USP31: variants seen among roughly 807,000 people sequenced by gnomAD.
USP31 encodes ubiquitin specific peptidase 31.
In USP31, 44 loss-of-function variants were observed where a neutral mutation model predicts 119.4. The observed-to-expected ratio is 0.37, with a 90% CI of 0.29 to 0.47. The LOEUF (loss-of-function observed/expected upper bound fraction) is 0.47. USP31 is among the 20% of genes least tolerant of loss of function. USP31 has a pLI of 0.99. For synonymous variants in USP31, 749 were observed against 705.6 expected (o/e 1.06, Z -0.97); for missense variants, 1,643 against 1,730.2 (o/e 0.95, Z 0.89).
In USP31 at chr16:23,071,036, T is replaced by C. The variant is rs1007399356; in HGVS notation, c.2488+1009A>G. Reference sequence around the variant, plus strand: ...TAAAGGCAGTACTGAAAATAACCTCTGCCTAAACAAGCAAAGGTTCACCAG... The same window carrying C: ...TAAAGGCAGTACTGAAAATAACCTCCGCCTAAACAAGCAAAGGTTCACCAG... On this transcript the variant is annotated intron_variant, in intron 15 of 15. Coordinates refer to ENST00000219689, the MANE Select transcript of USP31 (RefSeq NM_020718.4). Among the ~76,000 whole-genome samples, 32 of 152,300 alleles carry C rather than the reference T, an allele frequency of 2.1e-4. 1 individual carries two copies. The highest frequency in any genetic ancestry group is 6.8e-3 in the Middle Eastern group (2 of 294).
intron 1 of USP31, among the ~76,000 whole-genome samples, chr16:23,120,697 G>T (rs1596725994): frequency 6.6e-6 from 1 of 152,176 alleles, no homozygotes; most frequent in South Asian, 2.1e-4. Flanking sequence ...GAAGGTAGAG[G>T]AGGAACATAC....
Position 23,063,167 on chromosome 16 carries a change from G to C in USP31, c.*4879C>G, listed in dbSNP as rs1042571586. On this transcript the variant is annotated 3_prime_UTR_variant, in exon 16 of 16. Transcript: ENST00000219689. Reference sequence around the variant, plus strand: ...TTCAGAAGAGGCTTAAAAGAATCTTGAGGAAAATACATGTGTGAGATTCAA... The same window carrying C: ...TTCAGAAGAGGCTTAAAAGAATCTTCAGGAAAATACATGTGTGAGATTCAA... 9 of 152,312 alleles carry C rather than the reference G, an allele frequency of 5.9e-5. No homozygotes were observed. In the Middle Eastern group the frequency reaches 0.01, roughly 173 times the overall value. 9.4% of individuals were successfully genotyped at this position (152,312 alleles called of 1,614,324 possible).
intron 11 of USP31, among the ~76,000 whole-genome samples, 188 bp downstream of exon 11, chr16:23,084,672 A>G (rs1901014430): frequency 6.6e-6 from 1 of 152,210 alleles, no homozygotes; most frequent in Admixed American, 6.5e-5. Context: ...ACGGTTTTCT[A>G]GAAACTTACA....
chr16:23,098,221 C>T (rs1901699534), intron 6 of USP31, among the ~76,000 whole-genome samples: 1 of 152,100 alleles, frequency 6.6e-6, no homozygotes, highest in South Asian at 2.1e-4. Flanking sequence ...CTCCCATTCA[C>T]AATTGCTTCA....
At chr16:23,130,410 A>AC (rs10709257) in intron 1 of USP31, among the ~76,000 whole-genome samples, 2,188 of 144,278 alleles carry the variant, frequency 0.015, 28 homozygotes, top group African/African-American at 0.036. Context: ...ACAAAGTGAC[A>AC]CCCCCCCCCC....
chr16:23,088,806 GATT>G (rs1901227176), intron 7 of USP31, among the ~76,000 whole-genome samples: 1 of 152,168 alleles, frequency 6.6e-6, no homozygotes, highest in Non-Finnish European at 1.5e-5. Context: ...CAAGCACTGT[GATT>G]TATTTATCTT....
At position 23,148,881 on chromosome 16, in the gene USP31, G is replaced by A. The variant is rs1025221471; in HGVS notation, c.390C>T (p.Leu130=). The A allele has an allele frequency of 1.4e-6, 2 of 1,467,972 alleles. No homozygotes were observed. The highest frequency in any genetic ancestry group is 1.8e-6 in the Non-Finnish European group (2 of 1,102,660). The allele number at this position is 1,467,972 out of a possible 1,614,324, so 90.9% of individuals were successfully genotyped here. The change falls in exon 1 of 16, where the codon CTC becomes CTT. Residue 130 remains leucine, a synonymous_variant. Coordinates refer to ENST00000219689, the MANE Select transcript of USP31 (RefSeq NM_020718.4). ...AAEPVPGVAG[L]RNHGNTCFMN... ...TGAAGCACGTGTTGCCGTGGTTGCG[G>A]AGCCCCGCCACGCCGGGCACCGGCT...
In USP31 at chr16:23,063,640, AAAC is replaced by A. The variant is rs1399208958; in HGVS notation, c.*4403_*4405del. 1 of 152,516 alleles carries A rather than the reference AAAC, an allele frequency of 6.6e-6. No individual in the cohort carries two copies. The highest frequency in any genetic ancestry group is 2.4e-5 in the African/African-American group (1 of 41,428). The allele number at this position is 152,516 out of a possible 1,614,324, so 9.4% of individuals were successfully genotyped here. A position where few individuals can be genotyped will look rare whatever the true frequency, so the allele number is the denominator to read the frequency against. On this transcript the variant is annotated 3_prime_UTR_variant, in exon 16 of 16. Coordinates refer to ENST00000219689, the MANE Select transcript of USP31 (RefSeq NM_020718.4). ...ACAGCAGAGAAATATATGCAGAGCA[AAAC>A]AAGAAATCGCATTCATGCTCTTCTA...
Position 23,127,986 on chromosome 16 carries a change from C to A in USP31, c.634-19803G>T, listed in dbSNP as rs149927092. 9.4e-4 allele frequency among the ~76,000 whole-genome samples: 143 copies of A among 152,194 alleles called. 1 individual carries two copies. The highest frequency in any genetic ancestry group is 3.1e-3 in the African/African-American group (128 of 41,528). On this transcript the variant is annotated intron_variant, in intron 1 of 15. Transcript: ENST00000219689. ...GGATTATTATTCTGAGACTTAGGAGCATACTGTGGGATAAGGCAAATGAGA... is the reference window on the plus strand; with the variant it reads ...GGATTATTATTCTGAGACTTAGGAGAATACTGTGGGATAAGGCAAATGAGA...
chr16:23,067,970 G>C lies in USP31; in HGVS notation c.*76C>G. 2.6e-6 allele frequency: 4 copies of C among 1,514,820 alleles called. No individual in the cohort carries two copies. Among genetic ancestry groups the C allele is most frequent in the Non-Finnish European group, 3.5e-6 (4 of 1,135,580 alleles). 93.8% of individuals were successfully genotyped at this position (1,514,820 alleles called of 1,614,324 possible). ...CAAAAAAGTACAAAACAAAAGCACAGGAGGCTTTGGTGGGAGGGCAGGGGT... is the reference window on the plus strand; with the variant it reads ...CAAAAAAGTACAAAACAAAAGCACACGAGGCTTTGGTGGGAGGGCAGGGGT... On this transcript the variant is annotated 3_prime_UTR_variant, in exon 16 of 16. Coordinates refer to ENST00000219689, the MANE Select transcript of USP31 (RefSeq NM_020718.4).
chr16:23,114,879 C>T (rs1220485596), intron 1 of USP31, among the ~76,000 whole-genome samples: 1 of 152,196 alleles, frequency 6.6e-6, no homozygotes, highest in Non-Finnish European at 1.5e-5. Flanking sequence ...CCTCTTTTTA[C>T]CCCTCACAAT....
intron 1 of USP31, among the ~76,000 whole-genome samples, chr16:23,128,835 C>G (rs1452245035): frequency 2.0e-5 from 3 of 152,136 alleles, no homozygotes; most frequent in Non-Finnish European, 4.4e-5. Context: ...GTCTCTAAAC[C>G]TCTAGCTCTA....
chr16:23,142,288 T>C (rs917188052), intron 1 of USP31, among the ~76,000 whole-genome samples: 5 of 152,218 alleles, frequency 3.3e-5, no homozygotes, highest in African/African-American at 7.2e-5. Context: ...TGTGTTGATA[T>C]ACGTGTTGAA....
intron 1 of USP31, among the ~76,000 whole-genome samples, chr16:23,130,776 C>G (rs142549703): frequency 3.3e-4 from 50 of 152,234 alleles, no homozygotes; most frequent in African/African-American, 1.1e-3. Context: ...CACCCCAGAT[C>G]AAGATACTTC....
rs145412068 is a variant in USP31, at chr16:23,119,394, G to A, written c.634-11211C>T. ...ATTATAGGCATGAGCCACCGTGCCC[G>A]GCCAATTACCACTATTGTTCAACCT... On this transcript the variant is annotated intron_variant, in intron 1 of 15. Transcript: ENST00000219689. Among the ~76,000 whole-genome samples the A allele has an allele frequency of 1.0e-3, 153 of 152,138 alleles. 1 individual carries two copies. Among genetic ancestry groups the A allele is most frequent in the African/African-American group, 3.3e-3 (136 of 41,500 alleles).
intron 1 of USP31, among the ~76,000 whole-genome samples, chr16:23,122,398 C>A (rs1902702070): frequency 6.6e-6 from 1 of 152,156 alleles, no homozygotes; most frequent in Non-Finnish European, 1.5e-5. Flanking sequence ...TGGAAAAGTG[C>A]CTGACGGCTC....
intron 1 of USP31, among the ~76,000 whole-genome samples, chr16:23,145,067 C>T (rs1372575180): frequency 1.3e-5 from 2 of 152,128 alleles, no homozygotes; most frequent in African/African-American, 2.4e-5. Context: ...GTGCAGCCAG[C>T]CACTAAATGT....
Position 23,148,844 on chromosome 16 carries a change from G to C in USP31, c.427C>G (p.Leu143Val), listed in dbSNP as rs1455874805. Residue 143 changes from leucine to valine, a missense_variant, in exon 1 of 16, where the codon CTG becomes GTG. Transcript: ENST00000219689. ...AGCTCGGTGTTGCTGAGGCACTGCA[G>C]CGTGGCGTTCATGAAGCACGTGTTG... ...HGNTCFMNAT[L>V]QCLSNTELFA... 3 of 1,529,904 alleles carry C rather than the reference G, an allele frequency of 2.0e-6. No individual in the cohort carries two copies. The highest frequency in any genetic ancestry group is 1.8e-6 in the Non-Finnish European group (2 of 1,139,920). The allele number at this position is 1,529,904 out of a possible 1,614,324, so 94.8% of individuals were successfully genotyped here.
chr16:23,104,278 G>A (rs1271375036), intron 5 of USP31, among the ~76,000 whole-genome samples: 2 of 152,176 alleles, frequency 1.3e-5, no homozygotes, highest in South Asian at 4.1e-4. Flanking sequence ...TGAATTTAAT[G>A]ACCATGTTGT....
Sources: allele counts gnomAD v4.1 joint callset (sites outside exome capture counted in the v4.1 genomes callset), GRCh38; gene constraint gnomAD v4.1.1; transcripts MANE v1.5; gene names NCBI Gene and HGNC (gene_info 2026-07-23, HGNC 2026-07-21).